The following TAB2 variants were observed in gnomAD, a reference collection of about 807,000 sequenced individuals.
TAB2 encodes the protein TGF-beta-activated kinase 1 and MAP3K7-binding protein 2.
A neutral mutation model predicts 65.0 loss-of-function variants in TAB2; 3 were observed. The ratio of observed to expected loss-of-function variants is 0.05; its 90% CI spans 0.02 to 0.12. The LOEUF is 0.12. Ranked by LOEUF, TAB2 falls within the 10% of genes least tolerant of loss-of-function variation. The probability of loss-of-function intolerance (pLI) is 1.00; values close to 1 mark genes in which losing one functional copy is unlikely to be tolerated. For synonymous variants in TAB2, 298 were observed against 285.1 expected (o/e 1.05, Z -0.46); for missense variants, 623 against 840.3 (o/e 0.74, Z 3.20).
intron 6 of TAB2, among the ~76,000 whole-genome samples, chr6:149,405,041 A>G (rs951538108): frequency 6.6e-6 from 1 of 152,246 alleles, no homozygotes; most frequent in African/African-American, 2.4e-5. Context: ...TTCAAAATGT[A>G]TAAGGAACTC....
At chr6:149,269,735 A>G (rs1251738197) in intron 1 of TAB2, among the ~76,000 whole-genome samples, 2 of 152,208 alleles carry the variant, frequency 1.3e-5, no homozygotes, top group Admixed American at 6.5e-5. Context: ...TTCACTTGGT[A>G]TATATGAGAT....
At chr6:149,357,709 T>C (rs908251037) in intron 1 of TAB2, among the ~76,000 whole-genome samples, 5 of 146,508 alleles carry the variant, frequency 3.4e-5, no homozygotes, top group Admixed American at 2.7e-4. Context: ...TTTTTTTTTC[T>C]TTTTTTTTGA....
At chr6:149,365,457 T>C (rs916195837) in intron 1 of TAB2, among the ~76,000 whole-genome samples, 2 of 152,154 alleles carry the variant, frequency 1.3e-5, no homozygotes, top group Non-Finnish European at 2.9e-5. Flanking sequence ...GCACTTATAT[T>C]ATGTCATTTC....
At chr6:149,253,743 G>T (rs1352742538) in intron 1 of TAB2, among the ~76,000 whole-genome samples, 2 of 151,328 alleles carry the variant, frequency 1.3e-5, no homozygotes, top group Non-Finnish European at 2.9e-5. Context: ...CTAACATGGT[G>T]AAACCCCGTC....
At chr6:149,226,910 G>A (rs1425244078) in intron 1 of TAB2, among the ~76,000 whole-genome samples, 1 of 152,180 alleles carries the variant, frequency 6.6e-6, no homozygotes, top group Non-Finnish European at 1.5e-5. Flanking sequence ...AAAAGTGTTG[G>A]ATAAATGAAT....
At chr6:149,366,858 A>G (rs1021322801) in intron 1 of TAB2, among the ~76,000 whole-genome samples, 1 of 152,158 alleles carries the variant, frequency 6.6e-6, no homozygotes, top group Non-Finnish European at 1.5e-5. Flanking sequence ...TGTTTTAATA[A>G]TGAAATACGT....
chr6:149,236,419 T>C (rs1004523391), intron 1 of TAB2, among the ~76,000 whole-genome samples: 1 of 152,166 alleles, frequency 6.6e-6, no homozygotes, highest in Non-Finnish European at 1.5e-5. Context: ...TCAAATTATT[T>C]CTGCCTCGAT....
rs532065941 is a variant in TAB2, at chr6:149,410,221, C to A, written c.*502C>A. 1.1e-5 allele frequency: 2 copies of A among 175,268 alleles called. No homozygotes were observed. Among genetic ancestry groups the A allele is most frequent in the African/African-American group, 4.8e-5 (2 of 41,868 alleles). 10.9% of individuals were successfully genotyped at this position (175,268 alleles called of 1,614,324 possible). ...AAGAACTTCAGAAATCTGTGGTACTCTTGGCCTTGTCTTTGTCTTCCCTGA... is the reference window on the plus strand; with the variant it reads ...AAGAACTTCAGAAATCTGTGGTACTATTGGCCTTGTCTTTGTCTTCCCTGA... On this transcript the variant is annotated 3_prime_UTR_variant, in exon 7 of 7. Coordinates refer to ENST00000637181, the MANE Select transcript of TAB2 (RefSeq NM_001292034.3).
At chr6:149,275,286 A>AAG (rs1325836203) in intron 1 of TAB2, among the ~76,000 whole-genome samples, 2 of 146,624 alleles carry the variant, frequency 1.4e-5, no homozygotes, top group Non-Finnish European at 3.0e-5. Context: ...GAAAGAAAGA[A>AAG]AGAAAGAAAG....
chr6:149,361,614 T>C (rs1780856093), intron 1 of TAB2, among the ~76,000 whole-genome samples: 1 of 152,242 alleles, frequency 6.6e-6, no homozygotes, highest in Non-Finnish European at 1.5e-5. Context: ...TCCTTTTTAG[T>C]TGGGCCAATC....
chr6:149,275,933 G>C (rs937770337), intron 1 of TAB2, among the ~76,000 whole-genome samples: 1 of 152,232 alleles, frequency 6.6e-6, no homozygotes, highest in Non-Finnish European at 1.5e-5. Flanking sequence ...ATGAAGATAT[G>C]ATGACTAAAT....
At chr6:149,305,620 C>A (rs1779054468) in intron 1 of TAB2, among the ~76,000 whole-genome samples, 2 of 151,138 alleles carry the variant, frequency 1.3e-5, no homozygotes, top group Non-Finnish European at 1.5e-5. Context: ...CAATAGAACA[C>A]AAAGTTCTTT....
intron 1 of TAB2, among the ~76,000 whole-genome samples, chr6:149,264,374 G>C (rs6570957): frequency 6.6e-6 from 1 of 152,008 alleles, no homozygotes; most frequent in Non-Finnish European, 1.5e-5. Context: ...CTAATACTTG[G>C]GACCAGTAGC....
chr6:149,299,515 T>A (rs1778934597), intron 1 of TAB2, among the ~76,000 whole-genome samples: 1 of 152,174 alleles, frequency 6.6e-6, no homozygotes, highest in African/African-American at 2.4e-5. Context: ...GAGGCTGCAG[T>A]GAGCTGAGAT....
At position 149,379,506 on chromosome 6, in the gene TAB2, G is replaced by A; in HGVS notation, c.1591G>A (p.Ala531Thr). ...RKLSMGSDDA[A>T]YTQALLVHQK... is the part of the protein sequence containing the mutation. ...ACTGAGTATGGGATCTGATGATGCT[G>A]CCTACACACAAGGTAATATGAATAC... is the stretch of plus-strand genomic sequence containing the variant. The change falls in exon 3 of 7, where the codon GCC becomes ACC. Residue 531 changes from alanine to threonine, a missense_variant. Ala to Thr is a moderately conservative substitution (Grantham distance 58). Transcript: ENST00000637181. The A allele has an allele frequency of 6.2e-7, 1 of 1,614,092 alleles. No individual in the cohort carries two copies. The highest frequency in any genetic ancestry group is 8.5e-7 in the Non-Finnish European group (1 of 1,179,998).
intron 3 of TAB2, among the ~76,000 whole-genome samples, chr6:149,392,610 T>G (rs1473926413): frequency 6.6e-6 from 1 of 152,242 alleles, no homozygotes; most frequent in African/African-American, 2.4e-5. Flanking sequence ...GCACCCTCCT[T>G]GTCCATGAGA....
intron 1 of TAB2, among the ~76,000 whole-genome samples, chr6:149,228,414 G>A (rs1777330154): frequency 6.6e-6 from 1 of 152,132 alleles, no homozygotes; most frequent in African/African-American, 2.4e-5. Context: ...AGAACCCTCG[G>A]CCACCAGGGT....
intron 1 of TAB2, among the ~76,000 whole-genome samples, chr6:149,331,381 T>C (rs777367626): frequency 3.9e-5 from 6 of 152,164 alleles, no homozygotes; most frequent in Non-Finnish European, 8.8e-5. Context: ...TGTGGCAGTA[T>C]GGTTGGTTGA....
At chr6:149,292,828 A>G (rs1778801771) in intron 1 of TAB2, among the ~76,000 whole-genome samples, 1 of 152,214 alleles carries the variant, frequency 6.6e-6, no homozygotes, top group Non-Finnish European at 1.5e-5. Context: ...AATTTCTTTA[A>G]TGTTCTTAAT....
Sources: gnomAD v4.1 joint callset for allele counts (sites outside exome capture counted in the v4.1 genomes callset) on GRCh38, gnomAD v4.1.1 for gene constraint, MANE v1.5 for transcripts, NCBI Gene and HGNC (gene_info 2026-07-23, HGNC 2026-07-21) for gene names.